GPAT3: variants seen among roughly 807,000 people sequenced by gnomAD.
The protein encoded by GPAT3 is 1-AGP acyltransferase 9.
GPAT3 carries 53 observed loss-of-function variants against 58.8 expected under a neutral mutation model. The observed-to-expected ratio is 0.90, with a 90% CI of 0.72 to 1.13. The LOEUF (loss-of-function observed/expected upper bound fraction) is 1.13, where lower values mean the gene tolerates loss of function less well. Among genes scored for constraint, GPAT3 ranks in the 50% most tolerant of loss-of-function variants. The probability of loss-of-function intolerance (pLI) is 0.00; values close to 1 mark genes in which losing one functional copy is unlikely to be tolerated. For synonymous variants in GPAT3, 197 were observed against 187.4 expected (o/e 1.05, Z -0.42); for missense variants, 511 against 527.6 (o/e 0.97, Z 0.31).
chr4:83,543,170 C>T (rs552931483), intron 1 of GPAT3, among the ~76,000 whole-genome samples: 5 of 151,644 alleles, frequency 3.3e-5, no homozygotes, highest in South Asian at 2.1e-4. Flanking sequence ...AATGATGATG[C>T]GGGCCTGTGG....
intron 3 of GPAT3, among the ~76,000 whole-genome samples, chr4:83,584,346 A>G (rs1024414654): frequency 6.6e-5 from 10 of 152,164 alleles, no homozygotes; most frequent in Non-Finnish European, 1.0e-4. Flanking sequence ...TCAGACTCCT[A>G]CTCTTAGTGG....
chr4:83,538,207 T>C (rs1019160989), intron 1 of GPAT3, among the ~76,000 whole-genome samples: 3 of 152,200 alleles, frequency 2.0e-5, no homozygotes, highest in African/African-American at 4.8e-5. Flanking sequence ...GACATTGTCT[T>C]GTACTTGCTA....
At chr4:83,599,523 G>A (rs1726975927) in intron 11 of GPAT3, among the ~76,000 whole-genome samples, 1 of 152,108 alleles carries the variant, frequency 6.6e-6, no homozygotes, top group African/African-American at 2.4e-5. Flanking sequence ...CACATTTAGG[G>A]TTCTTTTTCT....
chr4:83,558,930 A>G lies in GPAT3; in HGVS notation c.208+14328A>G, dbSNP rs540500602. ...ATGACTCATATTAAGTTGGTTAACTAAGTTGGAAAGAGGAAGCAAACCCAC... is the reference window on the plus strand; with the variant it reads ...ATGACTCATATTAAGTTGGTTAACTGAGTTGGAAAGAGGAAGCAAACCCAC... On this transcript the variant is annotated intron_variant, in intron 2 of 11. Transcript: ENST00000264409. Among the ~76,000 whole-genome samples, 289 of 152,356 alleles carry G rather than the reference A, an allele frequency of 1.9e-3. 1 individual carries two copies. The highest frequency in any genetic ancestry group is 6.5e-3 in the African/African-American group (270 of 41,590).
chr4:83,590,290 A>C lies in GPAT3; in HGVS notation c.736A>C (p.Met246Leu), dbSNP rs1379273761. 2 of 1,612,876 alleles carry C rather than the reference A, an allele frequency of 1.2e-6. No individual in the cohort carries two copies. The highest frequency in any genetic ancestry group is 2.2e-5 in the South Asian group (2 of 91,034). ...CTTGACAACGGATGGATGTTATGCT[A>C]TGGTAAGAGCAGCTCATTGATATTT... ...LILTTDGCYA[M>L]VGQVHGGLMG... The change falls in exon 6 of 12, where the codon ATG becomes CTG. Residue 246 changes from methionine (M) to leucine (L), a missense_variant and splice_region_variant. By Grantham distance (15) the Met-to-Leu change is conservative. Transcript: ENST00000264409.
At chr4:83,567,521 C>G (rs1435593158) in intron 2 of GPAT3, among the ~76,000 whole-genome samples, 1 of 152,118 alleles carries the variant, frequency 6.6e-6, no homozygotes, top group Non-Finnish European at 1.5e-5. Flanking sequence ...AGTTGTCTGC[C>G]AAAATTGAAG....
chr4:83,574,937 G>A (rs1302804086), intron 2 of GPAT3, among the ~76,000 whole-genome samples: 5 of 144,474 alleles, frequency 3.5e-5, no homozygotes, highest in Non-Finnish European at 6.0e-5. Flanking sequence ...GTGCAGTGGC[G>A]CGATCTCGGC....
intron 3 of GPAT3, among the ~76,000 whole-genome samples, chr4:83,586,925 T>C (rs1274606301): frequency 6.6e-6 from 1 of 152,264 alleles, no homozygotes; most frequent in African/African-American, 2.4e-5. Context: ...GGTGATTATA[T>C]AGATTTAACT....
At chr4:83,587,958 A>G (rs1726446147) in intron 4 of GPAT3, among the ~76,000 whole-genome samples, 1 of 152,194 alleles carries the variant, frequency 6.6e-6, no homozygotes, top group Admixed American at 6.5e-5. Context: ...GGAATTTGTC[A>G]TAATAGCCTA....
At chr4:83,587,919 A>T (rs186884125) in intron 4 of GPAT3, among the ~76,000 whole-genome samples, 2 of 152,324 alleles carry the variant, frequency 1.3e-5, no homozygotes, top group African/African-American at 4.8e-5. Flanking sequence ...TAAGACCAAG[A>T]CCAAAGAAGC....
At chr4:83,580,522 G>A (rs967301785) in intron 2 of GPAT3, among the ~76,000 whole-genome samples, 2 of 152,126 alleles carry the variant, frequency 1.3e-5, no homozygotes, top group Non-Finnish European at 1.5e-5. Context: ...TTGATCATCA[G>A]CAAAACTATC....
Position 83,598,057 on chromosome 4 carries a change from C to T in GPAT3, c.1003C>T (p.Pro335Ser), listed in dbSNP as rs1157415290. Reference sequence around the variant, plus strand: ...GTATTTTCTTTTTTCTCAGTATAACCCTCAGTTCGGTGATGCATTTTGGAA... The same window carrying T: ...GTATTTTCTTTTTTCTCAGTATAACTCTCAGTTCGGTGATGCATTTTGGAA... ...TIHPVAIKYN[P>S]QFGDAFWNSS... The change falls in exon 10 of 12, where the codon CCT becomes TCT. Residue 335 changes from proline to serine, a missense_variant. Transcript: ENST00000264409. 6.2e-7 allele frequency: 1 copy of T among 1,613,496 alleles called. No homozygotes were observed. The highest frequency in any genetic ancestry group is 8.5e-7 in the Non-Finnish European group (1 of 1,179,834).
chr4:83,543,719 C>T (rs1313800193), intron 1 of GPAT3, among the ~76,000 whole-genome samples: 1 of 152,138 alleles, frequency 6.6e-6, no homozygotes, highest in Non-Finnish European at 1.5e-5. Flanking sequence ...TCTCTGCTCA[C>T]TGCACCTTCT....
At position 83,604,880 on chromosome 4, in the gene GPAT3, A is replaced by G; in HGVS notation, c.*113A>G. The G allele has an allele frequency of 1.1e-6, 1 of 912,222 alleles. No individual in the cohort carries two copies. Among genetic ancestry groups the G allele is most frequent in the East Asian group, 2.7e-5 (1 of 36,830 alleles). The allele number at this position is 912,222 out of a possible 1,614,324, so 56.5% of individuals were successfully genotyped here. ...TTATTATTGTTAATCTTTTCTACAG[A>G]ATGATTGTCTCTACCTCTTTATGCC... On this transcript the variant is annotated 3_prime_UTR_variant, in exon 12 of 12. Transcript: ENST00000264409.
Position 83,597,341 on chromosome 4 carries a change from A to G in GPAT3, c.911-89A>G, listed in dbSNP as rs114574433. On this transcript the variant is annotated intron_variant, in intron 8 of 11. Coordinates refer to ENST00000264409, the MANE Select transcript of GPAT3 (RefSeq NM_032717.5). ...GCCTGTAATTTTGATATTTTAAATT[A>G]TTTTATATCAAAATAATTTCTTTTA... 1,151 of 716,150 alleles carry G rather than the reference A, an allele frequency of 1.6e-3. 12 individuals carry two copies. The African/African-American group carries it at 0.019, about 12-fold the overall frequency. The allele number at this position is 716,150 out of a possible 1,614,324, so 44.4% of individuals were successfully genotyped here. A position where few individuals can be genotyped will look rare whatever the true frequency, so the allele number is the denominator to read the frequency against.
rs542062393 is a variant in GPAT3, at chr4:83,562,951, T to A, written c.208+18349T>A. On this transcript the variant is annotated intron_variant, in intron 2 of 11. Coordinates refer to ENST00000264409, the MANE Select transcript of GPAT3 (RefSeq NM_032717.5). Reference sequence around the variant, plus strand: ...TCTTCAGAAACAAAAACATTGAATGTGTTATCTGTAAGCTGTGCTTTTCTG... The same window carrying A: ...TCTTCAGAAACAAAAACATTGAATGAGTTATCTGTAAGCTGTGCTTTTCTG... Among the ~76,000 whole-genome samples, 15 of 152,328 alleles carry A rather than the reference T, an allele frequency of 9.8e-5. No individual in the cohort carries two copies. In the South Asian group the frequency reaches 1.9e-3, roughly 19 times the overall value.
At position 83,588,255 on chromosome 4, in the gene GPAT3, G is replaced by T. The variant is rs774346599; in HGVS notation, c.600G>T (p.Arg200=). Residue 200 remains arginine, a synonymous_variant, in exon 5 of 12, where the codon CGG becomes CGT. Coordinates refer to ENST00000264409, the MANE Select transcript of GPAT3 (RefSeq NM_032717.5). ...AACTGGTCCATCTGACTTGCTGCCG[G>T]ATCTGTGTGCGAGCCCTCTCTGGTA... ...LSELVHLTCC[R]ICVRALSGTI... The T allele has an allele frequency of 6.2e-7, 1 of 1,613,918 alleles. No individual in the cohort carries two copies. The highest frequency in any genetic ancestry group is 2.2e-5 in the East Asian group (1 of 44,874).
chr4:83,583,612 A>G (rs1726247017), intron 3 of GPAT3, among the ~76,000 whole-genome samples: 1 of 142,592 alleles, frequency 7.0e-6, no homozygotes. Context: ...GGTTGCAGTG[A>G]ACCAGGATCA....
Position 83,598,768 on chromosome 4 carries a change from TTTTTTTTTTTTTTTTTTTTA to T in GPAT3, c.1205+46_1205+65del, listed in dbSNP as rs774498428. On this transcript the variant is annotated intron_variant, in intron 11 of 11. Transcript: ENST00000264409. ...TACTATCACTTTTTTTTTTTTTTTT[TTTTTTTTTTTTTTTTTTTTA>T]GAGAATGCCTCACTCTTTTACCCAG... is the stretch of plus-strand genomic sequence containing the variant. 5.5e-6 allele frequency: 7 copies of T among 1,264,882 alleles called. No individual in the cohort carries two copies. In the African/African-American group the frequency reaches 9.7e-5, roughly 17 times the overall value. 78.4% of individuals were successfully genotyped at this position (1,264,882 alleles called of 1,614,324 possible).
Sources: gnomAD v4.1 joint callset for allele counts (sites outside exome capture counted in the v4.1 genomes callset) on GRCh38, gnomAD v4.1.1 for gene constraint, MANE v1.5 for transcripts, NCBI Gene and HGNC (gene_info 2026-07-23, HGNC 2026-07-21) for gene names.